The following FCHSD2 variants were observed in gnomAD, a reference collection of about 807,000 sequenced individuals.
The protein encoded by FCHSD2 is FCH and double SH3 domains 2.
Under a neutral mutation model 108.1 loss-of-function variants are expected in FCHSD2, and 38 were observed. That is an observed-to-expected ratio of 0.35 (90% confidence interval 0.27 to 0.46). The LOEUF is 0.46. Among genes scored for constraint, FCHSD2 ranks in the 20% least tolerant of loss-of-function variants. The pLI is 1.00. For synonymous variants in FCHSD2, 279 were observed against 314.7 expected, an observed-to-expected ratio of 0.89 and a Z score of 1.20; for missense variants, 751 against 897.8, an observed-to-expected ratio of 0.84 and a Z score of 2.09.
chr11:72,982,440 G>A (rs1200842455), intron 8 of FCHSD2, among the ~76,000 whole-genome samples: 3 of 152,208 alleles, frequency 2.0e-5, no homozygotes, highest in Non-Finnish European at 4.4e-5. Context: ...CAATACATTT[G>A]AGGGGGATGG....
At chr11:73,084,275 G>C (rs1262609054) in intron 2 of FCHSD2, among the ~76,000 whole-genome samples, 1 of 152,126 alleles carries the variant, frequency 6.6e-6, no homozygotes, top group Non-Finnish European at 1.5e-5. Context: ...CTTCACTCCA[G>C]TTTTTTATAA....
At chr11:73,017,947 C>T (rs1858010759) in intron 3 of FCHSD2, among the ~76,000 whole-genome samples, 2 of 151,988 alleles carry the variant, frequency 1.3e-5, no homozygotes, top group Admixed American at 1.3e-4. Context: ...AGAATTATCC[C>T]TCATGAACTA....
rs35412486 is a variant in FCHSD2, at chr11:73,132,824, G to GAA, written c.119+7205_119+7206dup. 3.7e-3 allele frequency among the ~76,000 whole-genome samples: 405 copies of GAA among 110,820 alleles called. 7 individuals carry two copies. Among genetic ancestry groups the GAA allele is most frequent in the Middle Eastern group, 0.024 (5 of 208 alleles). The allele number at this position is 110,820 out of a possible 152,430, so 72.7% of individuals were successfully genotyped here. On this transcript the variant is annotated intron_variant, in intron 2 of 19. Coordinates refer to ENST00000409418, the MANE Select transcript of FCHSD2 (RefSeq NM_014824.3). ...TGGGTGACAGAATGAAACGGTAACA[G>GAA]AAAAAAAAAAAAAAAAAACCTCAGG... is the stretch of plus-strand genomic sequence containing the variant.
intron 10 of FCHSD2, among the ~76,000 whole-genome samples, chr11:72,902,061 G>A (rs1480041831): frequency 1.3e-5 from 2 of 152,008 alleles, no homozygotes; most frequent in Non-Finnish European, 2.9e-5. Flanking sequence ...TTTTAGTAGA[G>A]ACAGGGTTTT....
intron 4 of FCHSD2, 112 bp from the exon 5 acceptor site, chr11:73,001,246 G>A: frequency 1.2e-6 from 1 of 869,102 alleles, no homozygotes; most frequent in Non-Finnish European, 1.8e-6. Context: ...CTTCTTTAAT[G>A]TATTTATAAT....
intron 2 of FCHSD2, among the ~76,000 whole-genome samples, chr11:73,107,711 G>A (rs1860379120): frequency 6.6e-6 from 1 of 152,092 alleles, no homozygotes. Context: ...TATCTTTTCT[G>A]TGTCTGGCTT....
chr11:73,049,605 A>G (rs1259932908), intron 3 of FCHSD2, among the ~76,000 whole-genome samples: 1 of 151,008 alleles, frequency 6.6e-6, no homozygotes, highest in Admixed American at 6.6e-5. Context: ...TAGTGGGTGC[A>G]GCGCACCAGC....
chr11:72,958,568 T>C (rs1243172687), intron 8 of FCHSD2, among the ~76,000 whole-genome samples: 1 of 152,144 alleles, frequency 6.6e-6, no homozygotes, highest in Non-Finnish European at 1.5e-5. Context: ...TTGGATTCTA[T>C]ATGTAAACAC....
At chr11:72,926,332 G>A (rs1467771075) in intron 8 of FCHSD2, among the ~76,000 whole-genome samples, 1 of 152,206 alleles carries the variant, frequency 6.6e-6, no homozygotes, top group East Asian at 1.9e-4. Flanking sequence ...GGCTCAGACA[G>A]AGCAGAGCAG....
chr11:73,012,938 T>G (rs577984504), intron 4 of FCHSD2, among the ~76,000 whole-genome samples: 89 of 152,310 alleles, frequency 5.8e-4, no homozygotes, highest in African/African-American at 2.0e-3. Flanking sequence ...TCTGCTACAA[T>G]TTCCTTGGTT....
At chr11:73,073,210 A>G (rs969204848) in intron 3 of FCHSD2, among the ~76,000 whole-genome samples, 1 of 152,232 alleles carries the variant, frequency 6.6e-6, no homozygotes, top group African/African-American at 2.4e-5. Flanking sequence ...TTGTTCCCTA[A>G]TATTTAATGT....
At chr11:73,056,209 C>T (rs1389109384) in intron 3 of FCHSD2, among the ~76,000 whole-genome samples, 5 of 152,114 alleles carry the variant, frequency 3.3e-5, no homozygotes, top group Non-Finnish European at 5.9e-5. Context: ...TTTATCAGGA[C>T]ATGTCTTCTG....
Position 72,985,071 on chromosome 11 carries a change from TG to T in FCHSD2, c.566del (p.Ala189GlufsTer3). The T allele has an allele frequency of 8.0e-7, 1 of 1,246,284 alleles. No individual in the cohort carries two copies. The highest frequency in any genetic ancestry group is 1.1e-6 in the Non-Finnish European group (1 of 872,070). The allele number at this position is 1,246,284 out of a possible 1,614,324, so 77.2% of individuals were successfully genotyped here. A position where few individuals can be genotyped will look rare whatever the true frequency, so the allele number is the denominator to read the frequency against. ...CTTATTGAAAACTTACCTTTACACT[TG>T]CCTTCTGTAAACTGATTCTTGATTG... ...LFQSRISLQK[A>X]SVKLKARRSE... On this transcript the variant is annotated frameshift_variant, in exon 7 of 20. Coordinates refer to ENST00000409418, the MANE Select transcript of FCHSD2 (RefSeq NM_014824.3). LOFTEE classifies it high-confidence loss of function.
chr11:73,025,649 T>A (rs781027207), intron 3 of FCHSD2, among the ~76,000 whole-genome samples: 17 of 152,124 alleles, frequency 1.1e-4, no homozygotes, highest in Non-Finnish European at 2.2e-4. Flanking sequence ...AAAATAAAAG[T>A]TTAAAAATTA....
chr11:73,132,910 A>T (rs1388335576), intron 2 of FCHSD2, among the ~76,000 whole-genome samples: 1 of 152,142 alleles, frequency 6.6e-6, no homozygotes, highest in East Asian at 1.9e-4. Context: ...ATATGTTATA[A>T]AGAACTCTTA....
intron 3 of FCHSD2, among the ~76,000 whole-genome samples, chr11:73,051,484 G>A (rs888945351): frequency 6.6e-6 from 1 of 152,022 alleles, no homozygotes; most frequent in Non-Finnish European, 1.5e-5. Flanking sequence ...AACAGAAAAA[G>A]TTTAATGGGC....
At chr11:73,078,025 G>T (rs1282369895) in intron 3 of FCHSD2, among the ~76,000 whole-genome samples, 1 of 152,070 alleles carries the variant, frequency 6.6e-6, no homozygotes, top group Non-Finnish European at 1.5e-5. Flanking sequence ...CTTTACCTGG[G>T]TGCTAGTTAT....
At chr11:72,913,532 G>A (rs1173721489) in intron 9 of FCHSD2, among the ~76,000 whole-genome samples, 2 of 152,184 alleles carry the variant, frequency 1.3e-5, no homozygotes, top group African/African-American at 4.8e-5. Flanking sequence ...GCCTCCCAAA[G>A]TGCTGTGATT....
intron 9 of FCHSD2, among the ~76,000 whole-genome samples, chr11:72,905,685 A>G (rs973424024): frequency 6.6e-6 from 1 of 151,446 alleles, no homozygotes; most frequent in Non-Finnish European, 1.5e-5. Context: ...GAGAACATGC[A>G]GTGTTTGGTT....
Sources: gnomAD v4.1 joint callset for allele counts (sites outside exome capture counted in the v4.1 genomes callset) on GRCh38, gnomAD v4.1.1 for gene constraint, MANE v1.5 for transcripts, NCBI Gene and HGNC (gene_info 2026-07-23, HGNC 2026-07-21) for gene names.